The following ADAMTS17 variants were observed in gnomAD, a reference collection of about 807,000 sequenced individuals.
ADAMTS17 encodes A disintegrin and metalloproteinase with thrombospondin motifs 17.
ADAMTS17 carries 113 observed loss-of-function variants against 141.5 expected under a neutral mutation model. The ratio of observed to expected loss-of-function variants is 0.80; its 90% CI spans 0.69 to 0.93. The LOEUF is 0.93. Among genes scored for constraint, ADAMTS17 ranks in the 40% least tolerant of loss-of-function variants. The probability of loss-of-function intolerance (pLI) is 0.00; values close to 1 mark genes in which losing one functional copy is unlikely to be tolerated. For missense variants in ADAMTS17, 1,659 were observed against 1,517.9 expected, an observed-to-expected ratio of 1.09 and a Z score of -1.54; for synonymous variants, 768 against 630.6, an observed-to-expected ratio of 1.22 and a Z score of -3.27.
intron 15 of ADAMTS17, among the ~76,000 whole-genome samples, chr15:100,082,332 G>A (rs1047910269): frequency 6.6e-6 from 1 of 151,718 alleles, no homozygotes. Flanking sequence ...CCAAAGTGCT[G>A]GGATTACAGG....
At chr15:99,998,997 T>C (rs2060863625) in intron 18 of ADAMTS17, among the ~76,000 whole-genome samples, 1 of 152,224 alleles carries the variant, frequency 6.6e-6, no homozygotes, top group Non-Finnish European at 1.5e-5. Context: ...ATCCCACTGT[T>C]GAGCAATGTC....
At chr15:100,053,374 T>G (rs1242484011) in intron 16 of ADAMTS17, among the ~76,000 whole-genome samples, 1 of 151,874 alleles carries the variant, frequency 6.6e-6, no homozygotes, top group South Asian at 2.1e-4. Context: ...ACCTGGGGAG[T>G]AGAATACCCA....
intron 7 of ADAMTS17, among the ~76,000 whole-genome samples, chr15:100,200,002 G>A (rs982208913): frequency 6.6e-6 from 1 of 152,244 alleles, no homozygotes. Flanking sequence ...TGCACAGAAT[G>A]TTCTGAAAAA....
intron 15 of ADAMTS17, among the ~76,000 whole-genome samples, chr15:100,093,517 T>G (rs889987265): frequency 3.9e-5 from 6 of 152,166 alleles, no homozygotes; most frequent in African/African-American, 1.4e-4. Flanking sequence ...CAGCTGCACT[T>G]GGCGTCACCA....
In ADAMTS17 at chr15:100,048,977, A is replaced by G. The variant is rs2031929512; in HGVS notation, c.2471T>C (p.Ile824Thr). ...VQCGGGERRTIVSCTRIVNKT... is the reference protein window; with the variant it reads ...VQCGGGERRTTVSCTRIVNKT... Reference sequence around the variant, plus strand: ...GTTGACAATCCGTGTACACGAGACGATGGTTCTGCGCTCCCCTGGAAACCA... The same window carrying G: ...GTTGACAATCCGTGTACACGAGACGGTGGTTCTGCGCTCCCCTGGAAACCA... Residue 824 changes from isoleucine (I) to threonine (T), a missense_variant, in exon 18 of 22, where the codon ATC (isoleucine) becomes ACC (threonine). Physicochemically the swap from Ile to Thr is moderately conservative, Grantham distance 89. Transcript: ENST00000268070. The G allele has an allele frequency of 2.5e-6, 4 of 1,614,170 alleles. No individual in the cohort carries two copies.
intron 18 of ADAMTS17, among the ~76,000 whole-genome samples, chr15:100,039,717 T>C (rs1033437204): frequency 6.6e-6 from 1 of 152,106 alleles, no homozygotes; most frequent in Admixed American, 6.5e-5. Context: ...TTAGGTGGAG[T>C]GTTTTATAGA....
intron 8 of ADAMTS17, among the ~76,000 whole-genome samples, chr15:100,188,660 G>C (rs1276201380): frequency 6.6e-6 from 1 of 152,238 alleles, no homozygotes; most frequent in Non-Finnish European, 1.5e-5. Context: ...GTCTGGACTA[G>C]AGTGAGGTCT....
chr15:100,144,035 T>C (rs1036946858), intron 10 of ADAMTS17, among the ~76,000 whole-genome samples: 1 of 152,188 alleles, frequency 6.6e-6, no homozygotes, highest in African/African-American at 2.4e-5. Flanking sequence ...GGGTATGTGG[T>C]GAATGCATAA....
intron 18 of ADAMTS17, among the ~76,000 whole-genome samples, chr15:100,021,667 G>A (rs917841221): frequency 6.6e-6 from 1 of 152,118 alleles, no homozygotes; most frequent in African/African-American, 2.4e-5. Context: ...TGCCACCCAA[G>A]GACTGCAGCT....
chr15:100,267,163 C>G (rs74039123), intron 4 of ADAMTS17, among the ~76,000 whole-genome samples: 17 of 152,248 alleles, frequency 1.1e-4, no homozygotes, highest in African/African-American at 4.1e-4. Flanking sequence ...CCACTGCCCC[C>G]CACCCAACCC....
intron 3 of ADAMTS17, among the ~76,000 whole-genome samples, chr15:100,318,729 C>T (rs753403502): frequency 5.8e-4 from 89 of 152,346 alleles, no homozygotes; most frequent in Middle Eastern, 3.4e-3. Context: ...GTGAAGAAAT[C>T]TCACGCCTGT....
chr15:100,051,005 T>C (rs1333867499), intron 17 of ADAMTS17, among the ~76,000 whole-genome samples: 2 of 152,176 alleles, frequency 1.3e-5, no homozygotes, highest in Admixed American at 6.5e-5. Flanking sequence ...GACCCTGCAG[T>C]GTGCATGAGA....
chr15:100,038,568 G>C (rs533494176), intron 18 of ADAMTS17, among the ~76,000 whole-genome samples: 4 of 152,074 alleles, frequency 2.6e-5, no homozygotes, highest in Non-Finnish European at 5.9e-5. Context: ...TTATTCCAAA[G>C]TATTTTATTC....
At chr15:100,231,812 C>T (rs375630193) in intron 7 of ADAMTS17, among the ~76,000 whole-genome samples, 3 of 152,094 alleles carry the variant, frequency 2.0e-5, no homozygotes, top group Admixed American at 6.5e-5. Flanking sequence ...GCCTCAGATT[C>T]GCCCCTGATT....
intron 18 of ADAMTS17, among the ~76,000 whole-genome samples, chr15:100,001,964 G>A (rs1387646538): frequency 1.7e-4 from 6 of 35,298 alleles, no homozygotes; most frequent in African/African-American, 3.7e-4. Context: ...GGGACAGAGC[G>A]AGACTCAGTC....
rs901894305 is a variant in ADAMTS17 at position 100,096,360 on chromosome 15, C to T, written c.2133G>A (p.Gly711=). 1 of 1,613,604 alleles carries T rather than the reference C, an allele frequency of 6.2e-7. No homozygotes were observed. The highest frequency in any genetic ancestry group is 1.1e-5 in the South Asian group (1 of 91,074). Residue 711 remains glycine (G), a synonymous_variant, in exon 15 of 22, where the codon GGG becomes GGA. Coordinates refer to ENST00000268070, the MANE Select transcript of ADAMTS17 (RefSeq NM_139057.4). ...LVKGDFSHAR[G]TALKDSGKGS... ...GCCCCATGGGCCAACACTCACCTGT[C>T]CCCCGGGCGTGGCTGAAGTCGCCCT... is the stretch of plus-strand genomic sequence containing the variant.
In ADAMTS17 at chr15:100,341,916, A is replaced by G; in HGVS notation, c.-17T>C. The G allele has an allele frequency of 6.5e-7, 1 of 1,544,338 alleles. No homozygotes were observed. The highest frequency in any genetic ancestry group is 8.7e-7 in the Non-Finnish European group (1 of 1,146,068). ...GTCACACATGGTACCCGGGACCGGC[A>G]GCCCCCCCGGACCGTGGCGGCGAAG... On this transcript the variant is annotated 5_prime_UTR_variant, in exon 1 of 22. Transcript: ENST00000268070.
At chr15:100,189,164 T>G (rs960554814) in intron 8 of ADAMTS17, among the ~76,000 whole-genome samples, 1 of 152,216 alleles carries the variant, frequency 6.6e-6, no homozygotes, top group Non-Finnish European at 1.5e-5. Context: ...AAGGCACGAG[T>G]TGAAGTCCTA....
rs142898623 is a variant in ADAMTS17, at chr15:100,278,885, T to C, written c.789+2344A>G. ...GTGACTTCCTGTGTGACCCTGGCAA[T>C]GTCCCTGAGCCTCCCTGCTCTCGGG... On this transcript the variant is annotated intron_variant, in intron 4 of 21. Coordinates refer to ENST00000268070, the MANE Select transcript of ADAMTS17 (RefSeq NM_139057.4). 8.6e-3 allele frequency among the ~76,000 whole-genome samples: 1,302 copies of C among 152,250 alleles called. 20 individuals carry two copies. Among genetic ancestry groups the C allele is most frequent in the African/African-American group, 0.029 (1,221 of 41,530 alleles).
Sources: allele counts gnomAD v4.1 joint callset (sites outside exome capture counted in the v4.1 genomes callset), GRCh38; gene constraint gnomAD v4.1.1; transcripts MANE v1.5; gene names NCBI Gene and HGNC (gene_info 2026-07-23, HGNC 2026-07-21).